The following KCNIP4 variants were observed in gnomAD, a reference collection of about 807,000 sequenced individuals.
KCNIP4 encodes the protein potassium voltage-gated channel interacting protein 4.
In KCNIP4, 12 loss-of-function variants were observed where a neutral mutation model predicts 34.0. The ratio of observed to expected loss-of-function variants is 0.35; its 90% CI spans 0.23 to 0.57. The LOEUF is 0.57. Ranked by LOEUF, KCNIP4 falls within the 20% of genes least tolerant of loss-of-function variation. KCNIP4 has a pLI of 0.83. For synonymous variants in KCNIP4, 124 were observed against 102.2 expected (o/e 1.21, Z -1.29); for missense variants, 238 against 311.7 (o/e 0.76, Z 1.78).
chr4:20,785,092 C>T (rs563955855), intron 3 of KCNIP4, among the ~76,000 whole-genome samples: 1 of 152,206 alleles, frequency 6.6e-6, no homozygotes, highest in South Asian at 2.1e-4. Context: ...GGACCACTCT[C>T]CCAACACCTG....
chr4:21,269,830 G>A (rs1269565472), intron 1 of KCNIP4, among the ~76,000 whole-genome samples: 2 of 152,118 alleles, frequency 1.3e-5, no homozygotes, highest in Admixed American at 6.6e-5. Context: ...AAAGAACAGG[G>A]ACTCAAGAGA....
intron 1 of KCNIP4, among the ~76,000 whole-genome samples, chr4:21,757,257 GAAAAGAAAAGAAAAGAA>G: frequency 3.4e-5 from 1 of 29,272 alleles, no homozygotes. Context: ...GAAAAGAAAA[GAAAAGAAAAGAAAAGAA>G]AAGAAAAGAA....
At chr4:20,894,238 C>G (rs780942522) in intron 1 of KCNIP4, among the ~76,000 whole-genome samples, 11 of 152,096 alleles carry the variant, frequency 7.2e-5, no homozygotes, top group Non-Finnish European at 7.3e-5. Flanking sequence ...GCCAAGCATG[C>G]CTTTAATATC....
At chr4:21,878,083 T>C (rs554087699) in intron 1 of KCNIP4, among the ~76,000 whole-genome samples, 2 of 152,264 alleles carry the variant, frequency 1.3e-5, no homozygotes, top group African/African-American at 4.8e-5. Context: ...AGTCTCTCTC[T>C]GTTGCCCAGG....
At chr4:21,512,092 G>A (rs538434238) in intron 1 of KCNIP4, among the ~76,000 whole-genome samples, 1 of 66,032 alleles carries the variant, frequency 1.5e-5, no homozygotes, top group East Asian at 5.0e-4. Context: ...AAGGAAGGAG[G>A]GAGGGAGGGA....
rs201574863 is a variant in KCNIP4, at chr4:21,697,062, T to TA, written c.61+251508dup. Among the ~76,000 whole-genome samples the TA allele has an allele frequency of 2.5e-4, 38 of 149,456 alleles. 1 individual carries two copies. The highest frequency in any genetic ancestry group is 3.4e-3 in the Middle Eastern group (1 of 290). ...AAAACCCCTTGCACAATCATGTATT[T>TA]AAAAAAAAAATCTTTCTACTCTGCA... On this transcript the variant is annotated intron_variant, in intron 1 of 8. Transcript: ENST00000382152.
chr4:21,676,986 A>G lies in KCNIP4; in HGVS notation c.61+271585T>C, dbSNP rs545923623. On this transcript the variant is annotated intron_variant, in intron 1 of 8. Coordinates refer to ENST00000382152, the MANE Select transcript of KCNIP4 (RefSeq NM_025221.6). ...CAATCTTCTAAAGTATATGTTCCAG[A>G]AAAAAAAAAAAAACATGGTGCACTA... Among the ~76,000 whole-genome samples, 73 of 15,578 alleles carry G rather than the reference A, an allele frequency of 4.7e-3. 1 individual carries two copies. The Middle Eastern group carries it at 0.14, about 30-fold the overall frequency. 10.2% of individuals were successfully genotyped at this position (15,578 alleles called of 152,430 possible). A position where few individuals can be genotyped will look rare whatever the true frequency, so the allele number is the denominator to read the frequency against.
intron 1 of KCNIP4, among the ~76,000 whole-genome samples, chr4:21,176,017 T>C (rs1754381581): frequency 6.6e-6 from 1 of 152,180 alleles, no homozygotes; most frequent in Non-Finnish European, 1.5e-5. Flanking sequence ...TGACCTCTAC[T>C]GAAATAGTCC....
intron 1 of KCNIP4, among the ~76,000 whole-genome samples, chr4:21,447,497 G>A (rs1246550250): frequency 6.6e-6 from 1 of 152,160 alleles, no homozygotes; most frequent in Non-Finnish European, 1.5e-5. Flanking sequence ...AACTAATACA[G>A]TAGTGACTTG....
chr4:21,481,695 G>A (rs560184809), intron 1 of KCNIP4, among the ~76,000 whole-genome samples: 4 of 152,242 alleles, frequency 2.6e-5, no homozygotes, highest in African/African-American at 9.6e-5. Flanking sequence ...CTGCGAAGAA[G>A]GGAAAAACAC....
intron 1 of KCNIP4, among the ~76,000 whole-genome samples, chr4:21,534,230 T>C (rs918027938): frequency 6.6e-6 from 1 of 152,172 alleles, no homozygotes; most frequent in Middle Eastern, 3.2e-3. Flanking sequence ...ATTATTTCTG[T>C]GAAGACAAAT....
intron 1 of KCNIP4, among the ~76,000 whole-genome samples, chr4:21,304,781 T>C (rs923518051): frequency 6.6e-6 from 1 of 152,170 alleles, no homozygotes; most frequent in Non-Finnish European, 1.5e-5. Context: ...TCATATCTTT[T>C]TGAAGCATGG....
chr4:20,963,728 CTG>C (rs772252063), intron 1 of KCNIP4, among the ~76,000 whole-genome samples: 13 of 151,990 alleles, frequency 8.6e-5, no homozygotes, highest in Admixed American at 7.2e-4. Flanking sequence ...TTAAGGATAA[CTG>C]AGCTCAGATG....
At chr4:21,273,353 A>C (rs138368567) in intron 1 of KCNIP4, among the ~76,000 whole-genome samples, 124 of 152,194 alleles carry the variant, frequency 8.1e-4, no homozygotes, top group African/African-American at 2.8e-3. Context: ...ACATGGAGCA[A>C]TGGAGAAATT....
At chr4:21,007,916 G>T (rs1738714491) in intron 1 of KCNIP4, among the ~76,000 whole-genome samples, 1 of 152,162 alleles carries the variant, frequency 6.6e-6, no homozygotes, top group Non-Finnish European at 1.5e-5. Context: ...GACACTGGGG[G>T]TTTGCCAGAG....
rs566995642 is a variant in KCNIP4 at position 20,837,939 on chromosome 4, C to A, written c.288+12604G>T. Among the ~76,000 whole-genome samples the A allele has an allele frequency of 3.3e-5, 5 of 151,794 alleles. No individual in the cohort carries two copies. In the South Asian group the frequency reaches 1.0e-3, roughly 32 times the overall value. On this transcript the variant is annotated intron_variant, in intron 3 of 8. Transcript: ENST00000382152. Reference sequence around the variant, plus strand: ...ATGTGACCTCAGGTGATCCACCCATCTCAGCTTCTCAAAGTGCTGGTAATA... The same window carrying A: ...ATGTGACCTCAGGTGATCCACCCATATCAGCTTCTCAAAGTGCTGGTAATA...
intron 1 of KCNIP4, among the ~76,000 whole-genome samples, chr4:21,360,480 G>T (rs1009113517): frequency 1.3e-5 from 2 of 152,038 alleles, no homozygotes; most frequent in South Asian, 2.1e-4. Context: ...TTTTGAAGAA[G>T]TGACATGCTG....
At chr4:21,430,980 C>A (rs919432600) in intron 1 of KCNIP4, among the ~76,000 whole-genome samples, 1 of 150,926 alleles carries the variant, frequency 6.6e-6, no homozygotes, top group Non-Finnish European at 1.5e-5. Context: ...TCAAACAAAA[C>A]ATCAAAGCAA....
At chr4:21,455,218 T>C (rs1728826452) in intron 1 of KCNIP4, among the ~76,000 whole-genome samples, 1 of 152,048 alleles carries the variant, frequency 6.6e-6, no homozygotes, top group Non-Finnish European at 1.5e-5. Flanking sequence ...AAATAACAAA[T>C]TGTGCTGTCC....
Sources: allele counts gnomAD v4.1 joint callset (sites outside exome capture counted in the v4.1 genomes callset), GRCh38; gene constraint gnomAD v4.1.1; transcripts MANE v1.5; gene names NCBI Gene and HGNC (gene_info 2026-07-23, HGNC 2026-07-21).